The following PTPRN2 variants were observed in gnomAD, a reference collection of about 807,000 sequenced individuals.
PTPRN2 encodes protein tyrosine phosphatase receptor type N2, also known as receptor-type tyrosine-protein phosphatase N2.
A neutral mutation model predicts 118.8 loss-of-function variants in PTPRN2; 74 were observed. The observed-to-expected ratio is 0.62, with a 90% CI of 0.52 to 0.76. The LOEUF is 0.76. PTPRN2 is among the 30% of genes least tolerant of loss of function. The pLI, the probability that PTPRN2 is intolerant of heterozygous loss-of-function variation, is 0.00. For synonymous variants in PTPRN2, 641 were observed against 608.0 expected (o/e 1.05, Z -0.80); for missense variants, 1,481 against 1,394.4 (o/e 1.06, Z -0.99).
At chr7:157,894,309 T>C (rs747966280) in intron 12 of PTPRN2, among the ~76,000 whole-genome samples, 1 of 152,092 alleles carries the variant, frequency 6.6e-6, no homozygotes, top group Non-Finnish European at 1.5e-5. Flanking sequence ...TCCTGGACGT[T>C]TGGCATCTTT....
At chr7:158,085,784 CCCA>C (rs1813340480) in intron 10 of PTPRN2, among the ~76,000 whole-genome samples, 1 of 144,806 alleles carries the variant, frequency 6.9e-6, no homozygotes, top group South Asian at 2.2e-4. Context: ...CCCATCCACA[CCCA>C]CGACGCCCAT....
intron 11 of PTPRN2, among the ~76,000 whole-genome samples, chr7:158,048,330 C>G (rs1471931859): frequency 6.6e-6 from 1 of 152,110 alleles, no homozygotes; most frequent in East Asian, 1.9e-4. Flanking sequence ...TATAAATCAC[C>G]AGGTCCTGCT....
intron 10 of PTPRN2, among the ~76,000 whole-genome samples, chr7:158,083,886 A>C (rs1325971133): frequency 6.6e-6 from 1 of 152,200 alleles, no homozygotes; most frequent in Non-Finnish European, 1.5e-5. Flanking sequence ...GGAGACTCAG[A>C]GGGTCGGTAA....
At chr7:157,734,757 G>C (rs1397708207) in intron 12 of PTPRN2, among the ~76,000 whole-genome samples, 1 of 152,160 alleles carries the variant, frequency 6.6e-6, no homozygotes, top group African/African-American at 2.4e-5. Flanking sequence ...CAATAACCTG[G>C]AACTGTAAGG....
At chr7:158,343,364 G>A (rs917333740) in intron 2 of PTPRN2, among the ~76,000 whole-genome samples, 3 of 152,180 alleles carry the variant, frequency 2.0e-5, no homozygotes, top group South Asian at 4.1e-4. Context: ...TGCCCGCTCA[G>A]CAGGACATCT....
At chr7:158,191,240 C>G (rs1825742794) in intron 5 of PTPRN2, among the ~76,000 whole-genome samples, 1 of 152,312 alleles carries the variant, frequency 6.6e-6, no homozygotes, top group East Asian at 1.9e-4. Context: ...TTGCTTCCCA[C>G]ACATATCCCA....
At chr7:157,791,670 G>A (rs1404196233) in intron 12 of PTPRN2, among the ~76,000 whole-genome samples, 1 of 152,024 alleles carries the variant, frequency 6.6e-6, no homozygotes, top group Non-Finnish European at 1.5e-5. Context: ...TCTCGACCAA[G>A]AGCATCCTCT....
Position 158,570,444 on chromosome 7 carries a change from C to A in PTPRN2, c.112+17114G>T, listed in dbSNP as rs749446783. ...TCCAGCACCCTCTCCCACCATCCATCCTCACAGACGGACTCTGCACCGTGA... is the reference window on the plus strand; with the variant it reads ...TCCAGCACCCTCTCCCACCATCCATACTCACAGACGGACTCTGCACCGTGA... On this transcript the variant is annotated intron_variant, in intron 1 of 22. Coordinates refer to ENST00000389418, the MANE Select transcript of PTPRN2 (RefSeq NM_002847.5). The surrounding 1 kb of genome is among the most constrained non-coding windows in gnomAD (Gnocchi z 4.5). Among the ~76,000 whole-genome samples the A allele has an allele frequency of 6.6e-6, 1 of 152,246 alleles. No individual in the cohort carries two copies. The highest frequency in any genetic ancestry group is 1.5e-5 in the Non-Finnish European group (1 of 68,038).
intron 11 of PTPRN2, among the ~76,000 whole-genome samples, chr7:157,999,499 T>C (rs1805052053): frequency 6.6e-6 from 1 of 152,164 alleles, no homozygotes; most frequent in Admixed American, 6.5e-5. Context: ...TTACCCTGCG[T>C]TTTCCACCAA....
At chr7:157,786,860 C>A (rs541437931) in intron 12 of PTPRN2, among the ~76,000 whole-genome samples, 83 of 152,336 alleles carry the variant, frequency 5.4e-4, no homozygotes, top group African/African-American at 1.9e-3. Flanking sequence ...CTGCCCAGTG[C>A]CCAGAGCTCA....
chr7:157,840,201 G>T (rs758716010), intron 12 of PTPRN2, among the ~76,000 whole-genome samples: 1 of 148,340 alleles, frequency 6.7e-6, no homozygotes, highest in Admixed American at 6.7e-5. Context: ...CTGTGACCGC[G>T]TGTGACTGTG....
intron 11 of PTPRN2, among the ~76,000 whole-genome samples, chr7:157,913,027 T>G (rs1270090203): frequency 6.6e-6 from 1 of 152,222 alleles, no homozygotes; most frequent in African/African-American, 2.4e-5. Flanking sequence ...GAAGTTTGAT[T>G]GTTATTAATA....
rs1170251960 is a variant in PTPRN2, at chr7:157,731,791, C to T, written c.1789-48854G>A. ...AGTTACTCTTTTCCACCCCATGCGC[C>T]CAGCACAGTTACCCTTTTCCGCCCC... On this transcript the variant is annotated intron_variant, in intron 12 of 22. Coordinates refer to ENST00000389418, the MANE Select transcript of PTPRN2 (RefSeq NM_002847.5). Among the ~76,000 whole-genome samples the T allele has an allele frequency of 9.1e-4, 108 of 118,104 alleles. 1 individual carries two copies. The highest frequency in any genetic ancestry group is 3.2e-3 in the African/African-American group (104 of 32,146). The allele number at this position is 118,104 out of a possible 152,430, so 77.5% of individuals were successfully genotyped here.
intron 12 of PTPRN2, among the ~76,000 whole-genome samples, chr7:157,715,793 C>T (rs1563030836): frequency 6.6e-6 from 1 of 152,244 alleles, no homozygotes; most frequent in Non-Finnish European, 1.5e-5. Context: ...TCAGCAATGC[C>T]TGTCAAGATG....
chr7:157,865,384 T>C (rs1204404552), intron 12 of PTPRN2: 1 of 152,228 alleles, frequency 6.6e-6, no homozygotes, highest in Non-Finnish European at 1.5e-5. Flanking sequence ...CTCAGCGCTA[T>C]TATTAGTCAG....
At chr7:157,772,768 C>T (rs554048081) in intron 12 of PTPRN2, among the ~76,000 whole-genome samples, 4 of 152,348 alleles carry the variant, frequency 2.6e-5, no homozygotes, top group South Asian at 2.1e-4. Flanking sequence ...TGAACAAACA[C>T]GTAAACACAT....
At chr7:158,328,308 C>T (rs995079573) in intron 2 of PTPRN2, among the ~76,000 whole-genome samples, 1 of 152,212 alleles carries the variant, frequency 6.6e-6, no homozygotes, top group Non-Finnish European at 1.5e-5. Flanking sequence ...CCGTTGGATC[C>T]GTGGGCTGCG....
intron 5 of PTPRN2, among the ~76,000 whole-genome samples, chr7:158,171,359 A>ACAC (rs1823691377): frequency 7.4e-6 from 1 of 134,666 alleles, no homozygotes; most frequent in African/African-American, 2.8e-5. Flanking sequence ...ACACACACAC[A>ACAC]TTTTTTTAAG....
intron 12 of PTPRN2, among the ~76,000 whole-genome samples, chr7:157,714,123 C>T (rs1798785960): frequency 6.6e-6 from 1 of 152,208 alleles, no homozygotes; most frequent in African/African-American, 2.4e-5. Flanking sequence ...TAGGTGAGCT[C>T]ACTACCTCAT....
Sources: gnomAD v4.1 joint callset for allele counts (sites outside exome capture counted in the v4.1 genomes callset) on GRCh38, gnomAD v4.1.1 for gene constraint, Gnocchi (gnomAD v3.1) non-coding constraint, MANE v1.5 for transcripts, NCBI Gene and HGNC (gene_info 2026-07-23, HGNC 2026-07-21) for gene names.